Variants in RAB3C observed in about 807,000 individuals in gnomAD.
The protein encoded by RAB3C is ras-related protein Rab-3C.
RAB3C carries 17 observed loss-of-function variants against 26.4 expected under a neutral mutation model. The observed-to-expected ratio is 0.64, with a 90% CI of 0.44 to 0.97. The LOEUF is 0.97. Among genes scored for constraint, RAB3C ranks in the 50% least tolerant of loss-of-function variants. The probability of loss-of-function intolerance (pLI) is 0.00; values close to 1 mark genes in which losing one functional copy is unlikely to be tolerated. For synonymous variants in RAB3C, 91 were observed against 95.9 expected (o/e 0.95, Z 0.30); for missense variants, 242 against 281.9 (o/e 0.86, Z 1.01).
intron 4 of RAB3C, among the ~76,000 whole-genome samples, chr5:58,846,039 A>T (rs1446997531): frequency 2.0e-5 from 3 of 152,088 alleles, no homozygotes; most frequent in African/African-American, 7.2e-5. Context: ...ATGAATCAGT[A>T]TTTGTCTTTT....
intron 1 of RAB3C, among the ~76,000 whole-genome samples, chr5:58,586,683 T>C (rs926256517): frequency 1.5e-4 from 23 of 152,034 alleles, no homozygotes; most frequent in Non-Finnish European, 4.4e-5. Flanking sequence ...CTTCTGACTA[T>C]TGAGGAAAAT....
chr5:58,759,598 C>G (rs1297872828), intron 3 of RAB3C, among the ~76,000 whole-genome samples: 2 of 152,192 alleles, frequency 1.3e-5, no homozygotes, highest in African/African-American at 4.8e-5. Context: ...TCTGTCCTAT[C>G]AAGTTTGCAT....
At chr5:58,714,803 A>C (rs1749134578) in intron 2 of RAB3C, among the ~76,000 whole-genome samples, 1 of 152,020 alleles carries the variant, frequency 6.6e-6, no homozygotes, top group Non-Finnish European at 1.5e-5. Context: ...GACAAAATAG[A>C]AAATTTTCAA....
intron 2 of RAB3C, among the ~76,000 whole-genome samples, chr5:58,716,723 T>C (rs1464924718): frequency 6.6e-6 from 1 of 151,506 alleles, no homozygotes; most frequent in Non-Finnish European, 1.5e-5. Context: ...TTGATCGTGC[T>C]CTGCCCAGTC....
intron 4 of RAB3C, among the ~76,000 whole-genome samples, chr5:58,843,329 T>C (rs143730029): frequency 1.2e-3 from 176 of 152,344 alleles, no homozygotes; most frequent in Middle Eastern, 3.4e-3. Flanking sequence ...TGATAATGCA[T>C]ATGTTATTGT....
chr5:58,793,358 A>G (rs1742573592), intron 3 of RAB3C, among the ~76,000 whole-genome samples: 1 of 152,122 alleles, frequency 6.6e-6, no homozygotes, highest in African/African-American at 2.4e-5. Context: ...AGAGATCGAG[A>G]CTATCCTGGC....
At chr5:58,613,341 C>T (rs1031409575) in intron 1 of RAB3C, among the ~76,000 whole-genome samples, 19 of 152,104 alleles carry the variant, frequency 1.2e-4, no homozygotes, top group African/African-American at 3.4e-4. Flanking sequence ...GTTGAGGTCT[C>T]ACCCGTAGAT....
At chr5:58,746,553 C>T (rs185023019) in intron 3 of RAB3C, among the ~76,000 whole-genome samples, 245 of 152,276 alleles carry the variant, frequency 1.6e-3, no homozygotes, top group African/African-American at 5.7e-3. Flanking sequence ...TATGACTTCT[C>T]ATTAACAGCC....
intron 2 of RAB3C, among the ~76,000 whole-genome samples, chr5:58,631,881 T>A (rs760290311): frequency 6.6e-6 from 1 of 152,248 alleles, no homozygotes; most frequent in Non-Finnish European, 1.5e-5. Context: ...GAAAGCATTT[T>A]TCTTACTTTG....
intron 2 of RAB3C, among the ~76,000 whole-genome samples, chr5:58,672,586 C>T (rs1177789538): frequency 1.3e-5 from 2 of 152,064 alleles, no homozygotes; most frequent in African/African-American, 4.8e-5. Context: ...TAATTCATGC[C>T]TCTTATTGAA....
At chr5:58,671,217 C>T (rs1363963190) in intron 2 of RAB3C, among the ~76,000 whole-genome samples, 1 of 152,032 alleles carries the variant, frequency 6.6e-6, no homozygotes, top group Non-Finnish European at 1.5e-5. Context: ...CTGATCAAAG[C>T]ACGCTATGTT....
chr5:58,651,203 G>A (rs753079271), intron 2 of RAB3C, among the ~76,000 whole-genome samples: 1 of 152,230 alleles, frequency 6.6e-6, no homozygotes, highest in African/African-American at 2.4e-5. Flanking sequence ...ACAGAGTTGT[G>A]AGGTAGAAAT....
chr5:58,729,610 A>G (rs965428950), intron 3 of RAB3C, among the ~76,000 whole-genome samples: 7 of 149,568 alleles, frequency 4.7e-5, no homozygotes, highest in Non-Finnish European at 1.0e-4. Flanking sequence ...ATTATATGTA[A>G]TAAAATATAC....
intron 1 of RAB3C, among the ~76,000 whole-genome samples, chr5:58,592,688 A>G (rs1444587800): frequency 6.6e-6 from 1 of 152,118 alleles, no homozygotes; most frequent in African/African-American, 2.4e-5. Flanking sequence ...TTGCCTGCAT[A>G]TAAAATTTCT....
At chr5:58,724,656 A>G (rs1740844807) in intron 2 of RAB3C, among the ~76,000 whole-genome samples, 1 of 151,820 alleles carries the variant, frequency 6.6e-6, no homozygotes, top group Non-Finnish European at 1.5e-5. Flanking sequence ...AAACATATGT[A>G]GAAGGTACTT....
chr5:58,615,946 T>C lies in RAB3C; in HGVS notation c.25-1697T>C, dbSNP rs1196393665. Among the ~76,000 whole-genome samples, 5 of 150,896 alleles carry C rather than the reference T, an allele frequency of 3.3e-5. No homozygotes were observed. The Admixed American group carries it at 3.3e-4, about 10-fold the overall frequency. ...ATCTCACCATTTCCCTTTTTCCTTT[T>C]TCCTCAGTTTTCTGTAAACATACGT... On this transcript the variant is annotated intron_variant, in intron 1 of 4. Coordinates refer to ENST00000282878, the MANE Select transcript of RAB3C (RefSeq NM_138453.4).
intron 2 of RAB3C, among the ~76,000 whole-genome samples, chr5:58,692,618 A>G (rs1014173076): frequency 4.6e-5 from 7 of 152,128 alleles, no homozygotes; most frequent in Non-Finnish European, 1.0e-4. Flanking sequence ...AGAAGTAAGC[A>G]TCAATATCCA....
chr5:58,584,346 ATTGT>A (rs966006496), intron 1 of RAB3C, among the ~76,000 whole-genome samples: 13 of 152,180 alleles, frequency 8.5e-5, no homozygotes, highest in African/African-American at 2.9e-4. Context: ...ATAGAATTTA[ATTGT>A]TTGTTGGGTG....
At chr5:58,687,346 T>C (rs1748465542) in intron 2 of RAB3C, among the ~76,000 whole-genome samples, 2 of 152,186 alleles carry the variant, frequency 1.3e-5, no homozygotes. Flanking sequence ...TAGTGCATGG[T>C]AGACAGCTGG....
Sources: allele counts gnomAD v4.1 joint callset (sites outside exome capture counted in the v4.1 genomes callset), GRCh38; gene constraint gnomAD v4.1.1; transcripts MANE v1.5; gene names NCBI Gene and HGNC (gene_info 2026-07-23, HGNC 2026-07-21).